PRDM16: variants seen among roughly 807,000 people sequenced by gnomAD.
PRDM16 encodes the protein PR/SET domain 16, also known as histone-lysine N-methyltransferase PRDM16.
A neutral mutation model predicts 110.6 loss-of-function variants in PRDM16; 23 were observed. The ratio of observed to expected loss-of-function variants is 0.21; its 90% confidence interval spans 0.15 to 0.29. The LOEUF (loss-of-function observed/expected upper bound fraction) is 0.29, where lower values mean the gene tolerates loss of function less well. PRDM16 is among the 10% of genes least tolerant of loss of function. PRDM16 has a pLI of 1.00. For synonymous variants in PRDM16, 799 were observed against 781.8 expected (o/e 1.02, Z -0.37); for missense variants, 1,615 against 1,794.3 (o/e 0.90, Z 1.81).
chr1:3,380,082 C>G (rs1205235130), intron 3 of PRDM16, among the ~76,000 whole-genome samples: 3 of 149,430 alleles, frequency 2.0e-5, no homozygotes, highest in Non-Finnish European at 3.0e-5. Flanking sequence ...CACACCCCTC[C>G]TGGCGCACCC....
Position 3,143,723 on chromosome 1 carries a change from C to T in PRDM16, c.38-42402C>T, listed in dbSNP as rs1411891327. On this transcript the variant is annotated intron_variant, in intron 1 of 16. Coordinates refer to ENST00000270722, the MANE Select transcript of PRDM16 (RefSeq NM_022114.4). The surrounding 1 kb of genome is among the most constrained non-coding windows in gnomAD (Gnocchi z 4.5). ...AACTCCTGACCTCAGGTGATCCTCCCGCCTCGGCCTCCCAAAGTGCTGGGA... is the reference window on the plus strand; with the variant it reads ...AACTCCTGACCTCAGGTGATCCTCCTGCCTCGGCCTCCCAAAGTGCTGGGA... Among the ~76,000 whole-genome samples, 3 of 152,146 alleles carry T rather than the reference C, an allele frequency of 2.0e-5. No homozygotes were observed. The highest frequency in any genetic ancestry group is 4.8e-5 in the African/African-American group (2 of 41,420).
chr1:3,199,186 G>C (rs1307090265), intron 2 of PRDM16, among the ~76,000 whole-genome samples: 1 of 152,220 alleles, frequency 6.6e-6, no homozygotes, highest in Non-Finnish European at 1.5e-5. Flanking sequence ...AGGCACCTCT[G>C]GATCCTCGGG....
chr1:3,329,301 G>T (rs550717766), intron 3 of PRDM16, among the ~76,000 whole-genome samples: 60 of 152,214 alleles, frequency 3.9e-4, no homozygotes, highest in Non-Finnish European at 4.4e-4. Context: ...GGGGCTGGGG[G>T]CCTTTCCTCC....
At chr1:3,346,057 C>T (rs1642356830) in intron 3 of PRDM16, among the ~76,000 whole-genome samples, 1 of 152,276 alleles carries the variant, frequency 6.6e-6, no homozygotes, top group East Asian at 1.9e-4. Flanking sequence ...GAGACTCATT[C>T]TCCGTCAACA....
chr1:3,128,306 C>G (rs189064787), intron 1 of PRDM16, among the ~76,000 whole-genome samples: 256 of 152,290 alleles, frequency 1.7e-3, no homozygotes, highest in Non-Finnish European at 2.7e-3. Flanking sequence ...GTGCCTTGTC[C>G]TAGAAAGTCT....
At chr1:3,114,195 A>ACG (rs1293270557) in intron 1 of PRDM16, among the ~76,000 whole-genome samples, 1 of 127,332 alleles carries the variant, frequency 7.9e-6, no homozygotes, top group Non-Finnish European at 1.6e-5. Flanking sequence ...GCACACACGC[A>ACG]CACGCACGCA....
At chr1:3,381,400 G>GTTTT (rs58504087) in intron 3 of PRDM16, among the ~76,000 whole-genome samples, 1 of 135,118 alleles carries the variant, frequency 7.4e-6, no homozygotes, top group Non-Finnish European at 1.6e-5. Flanking sequence ...TTTTTTTCTG[G>GTTTT]TTTTTTTTTT....
intron 1 of PRDM16, among the ~76,000 whole-genome samples, chr1:3,116,960 G>C (rs1642976612): frequency 6.6e-6 from 1 of 152,212 alleles, no homozygotes; most frequent in African/African-American, 2.4e-5. Flanking sequence ...GGGTGGATCA[G>C]GACTTCTGGT....
In PRDM16 at chr1:3,175,762, G is replaced by A. The variant is rs559361287; in HGVS notation, c.38-10363G>A. On this transcript the variant is annotated intron_variant, in intron 1 of 16. Transcript: ENST00000270722. This position sits in a 1 kb window ranked among gnomAD's most constrained non-coding sequence, Gnocchi z 4.8. ...CAGCAGAGAAACCAGCCCTTTCTCC[G>A]AGGCAGGGCCTGGCTGAGAAAGCCC... is the stretch of plus-strand genomic sequence containing the variant. Among the ~76,000 whole-genome samples the A allele has an allele frequency of 3.9e-5, 6 of 152,302 alleles. No individual in the cohort carries two copies. The highest frequency in any genetic ancestry group is 7.2e-5 in the African/African-American group (3 of 41,572).
intron 1 of PRDM16, among the ~76,000 whole-genome samples, chr1:3,102,449 G>A (rs1642555584): frequency 6.6e-6 from 1 of 152,222 alleles, no homozygotes; most frequent in Non-Finnish European, 1.5e-5. Context: ...TTAGCTGAGA[G>A]TTTCAGCTAT....
intron 1 of PRDM16, among the ~76,000 whole-genome samples, chr1:3,115,212 C>T (rs779124498): frequency 1.4e-4 from 21 of 152,220 alleles, no homozygotes; most frequent in Non-Finnish European, 2.6e-4. Context: ...TCTCCTGGGT[C>T]CCCCACACAT....
chr1:3,242,237 C>T (rs1355913925), intron 2 of PRDM16, among the ~76,000 whole-genome samples: 3 of 152,196 alleles, frequency 2.0e-5, no homozygotes, highest in Admixed American at 6.5e-5. Context: ...GTGACTCCGC[C>T]GCAAATGCCA....
At chr1:3,249,302 G>A (rs1026764638) in intron 3 of PRDM16, among the ~76,000 whole-genome samples, 22 of 152,126 alleles carry the variant, frequency 1.4e-4, no homozygotes, top group Non-Finnish European at 2.6e-4. Flanking sequence ...AGAAGGAGGC[G>A]CTGCTATGCA....
intron 3 of PRDM16, among the ~76,000 whole-genome samples, chr1:3,349,316 T>G (rs1382007436): frequency 6.6e-6 from 1 of 152,080 alleles, no homozygotes; most frequent in Admixed American, 6.5e-5. Context: ...ACCGGCACGC[T>G]GTGAGTGATA....
chr1:3,365,191 G>A (rs1273432998), intron 3 of PRDM16, among the ~76,000 whole-genome samples: 1 of 152,150 alleles, frequency 6.6e-6, no homozygotes, highest in Admixed American at 6.5e-5. Context: ...GCAGTGCCCA[G>A]GGGGCCTTGG....
intron 3 of PRDM16, among the ~76,000 whole-genome samples, chr1:3,317,678 G>A (rs901466585): frequency 1.9e-4 from 29 of 152,322 alleles, no homozygotes; most frequent in Admixed American, 1.8e-3. Context: ...AGCCGTCTGA[G>A]GGCAGCCATT....
rs555335255 is a variant in PRDM16 at position 3,339,996 on chromosome 1, G to A, written c.439-45156G>A. 2.0e-5 allele frequency among the ~76,000 whole-genome samples: 3 copies of A among 152,306 alleles called. No individual in the cohort carries two copies. Among genetic ancestry groups the A allele is most frequent in the South Asian group, 2.1e-4 (1 of 4,830 alleles). On this transcript the variant is annotated intron_variant, in intron 3 of 16. Transcript: ENST00000270722. The surrounding 1 kb of genome is among the most constrained non-coding windows in gnomAD (Gnocchi z 5.0). ...GCCTCCTCCTCTCCCTGGGACCCGC[G>A]TGAAATTTCTGTCTGATGCTCCGTC... is the stretch of plus-strand genomic sequence containing the variant.
intron 3 of PRDM16, among the ~76,000 whole-genome samples, chr1:3,364,098 T>G (rs901066796): frequency 7.9e-5 from 12 of 152,090 alleles, no homozygotes; most frequent in African/African-American, 2.9e-4. Context: ...AACTGCTGGA[T>G]GAGATGCAAA....
intron 1 of PRDM16, among the ~76,000 whole-genome samples, chr1:3,083,331 C>T (rs1402752448): frequency 6.6e-6 from 1 of 152,218 alleles, no homozygotes; most frequent in South Asian, 2.1e-4. Context: ...CTGGACTGGG[C>T]GGCGCGCTCA....
Sources: gnomAD v4.1 joint callset for allele counts (sites outside exome capture counted in the v4.1 genomes callset) on GRCh38, gnomAD v4.1.1 for gene constraint, Gnocchi (gnomAD v3.1) non-coding constraint, MANE v1.5 for transcripts, NCBI Gene and HGNC (gene_info 2026-07-23, HGNC 2026-07-21) for gene names.